VSIG1: variants seen among roughly 807,000 people sequenced by gnomAD.
VSIG1 encodes V-set and immunoglobulin domain-containing protein 1.
Under a neutral mutation model 20.1 loss-of-function variants are expected in VSIG1, and 11 were observed. The observed-to-expected ratio is 0.55, with a 90% CI of 0.34 to 0.91. The LOEUF (loss-of-function observed/expected upper bound fraction) is 0.91, where lower values mean the gene tolerates loss of function less well. Among genes scored for constraint, VSIG1 ranks in the 40% least tolerant of loss-of-function variants. VSIG1 has a pLI of 0.02. For missense variants in VSIG1, 283 were observed against 298.8 expected, an observed-to-expected ratio of 0.95 and a Z score of 0.39; for synonymous variants, 126 against 116.7, an observed-to-expected ratio of 1.08 and a Z score of -0.52.
intron 1 of VSIG1, among the ~76,000 whole-genome samples, chrX:108,046,231 A>G (rs1229720241): frequency 8.9e-6 from 1 of 112,219 alleles, no homozygotes; most frequent in African/African-American, 3.2e-5. Context: ...AGTTCTTTAA[A>G]TGTTCATTAC....
the VSIG1 span, among the ~76,000 whole-genome samples, chrX:108,030,072 A>G: frequency 8.9e-6 from 1 of 112,181 alleles, no homozygotes; most frequent in Non-Finnish European, 1.9e-5. Flanking sequence ...TTTGCTCTAA[A>G]GAATCATGCA....
chrX:108,073,692 G>C, intron 5 of VSIG1: 1 of 175,745 alleles, frequency 5.7e-6, no homozygotes, highest in East Asian at 1.4e-4. Context: ...TGATGCTGTT[G>C]GTAAATCCAG....
chrX:108,047,925 T>TATATATACACACAC lies in VSIG1; in HGVS notation c.49+2753_49+2754insCACACACATATATA, dbSNP rs1569287306. On this transcript the variant is annotated intron_variant, in intron 1 of 6. Coordinates refer to ENST00000217957, the MANE Select transcript of VSIG1 (RefSeq NM_182607.5). ...ATATACACATATATATATACACATA[T>TATATATACACACAC]ATATATATACACATATATATATATA... is the stretch of plus-strand genomic sequence containing the variant. Among the ~76,000 whole-genome samples, 27 of 64,780 alleles carry TATATATACACACAC rather than the reference T, an allele frequency of 4.2e-4. 1 individual carries two copies. The highest frequency in any genetic ancestry group is 6.9e-4 in the Non-Finnish European group (26 of 37,446). 56.3% of individuals were successfully genotyped at this position (64,780 alleles called of 115,157 possible). A position where few individuals can be genotyped will look rare whatever the true frequency, so the allele number is the denominator to read the frequency against.
At chrX:108,062,755 T>A (rs2031053098) in intron 2 of VSIG1, among the ~76,000 whole-genome samples, 1 of 111,749 alleles carries the variant, frequency 8.9e-6, no homozygotes, top group African/African-American at 3.2e-5. Flanking sequence ...TGCCACCTTA[T>A]ACCTGCACAC....
intron 3 of VSIG1, among the ~76,000 whole-genome samples, chrX:108,068,256 C>T (rs1369572866): frequency 9.0e-6 from 1 of 111,584 alleles, no homozygotes; most frequent in East Asian, 2.8e-4. Flanking sequence ...TTAGCTTAAT[C>T]AATCATATTT....
chrX:108,027,415 G>C, the VSIG1 span, among the ~76,000 whole-genome samples: 796 of 111,933 alleles, frequency 7.1e-3, 9 homozygotes, highest in African/African-American at 0.024. Flanking sequence ...GATACAAAAG[G>C]CCACATAGTG....
chrX:108,036,507 T>C, the VSIG1 span, among the ~76,000 whole-genome samples: 2,809 of 111,747 alleles, frequency 0.025, 36 homozygotes, highest in Non-Finnish European at 0.043. Context: ...TCAGTTAACA[T>C]AGAGTTCCTG....
chrX:108,048,001 T>C (rs56312857), intron 1 of VSIG1, among the ~76,000 whole-genome samples: 2,540 of 59,382 alleles, frequency 0.043, 148 homozygotes, highest in African/African-American at 0.084. Flanking sequence ...TATATATATA[T>C]ACACATATAT....
chrX:108,047,961 CATATATATATATATATAT>C lies in VSIG1; in HGVS notation c.49+2806_49+2823del, dbSNP rs1172282311. Among the ~76,000 whole-genome samples, 11 of 19,940 alleles carry C rather than the reference CATATATATATATATATAT, an allele frequency of 5.5e-4. No individual in the cohort carries two copies. The South Asian group carries it at 0.011, about 20-fold the overall frequency. 17.3% of individuals were successfully genotyped at this position (19,940 alleles called of 115,157 possible). The stretch of plus-strand genomic sequence containing the variant: ...ACATATATATATATATATACACACA[CATATATATATATATATAT>C]ATATATATATATATATATATATACA... On this transcript the variant is annotated intron_variant, in intron 1 of 6. Transcript: ENST00000217957.
rs1327274338 is a variant in VSIG1, at chrX:108,067,230, A to G, written c.412+96A>G. 42 of 897,711 alleles carry G rather than the reference A, an allele frequency of 4.7e-5. No homozygotes were observed. The Admixed American group carries it at 9.2e-4, about 20-fold the overall frequency. The allele number at this position is 897,711 out of a possible 1,213,427, so 74.0% of individuals were successfully genotyped here. ...GTTATGATGCCAATTAAGTCTCTGT[A>G]GGTAAATATACTCCCTAATATTTTC... is the stretch of plus-strand genomic sequence containing the variant. On this transcript the variant is annotated intron_variant, in intron 3 of 6. Transcript: ENST00000217957.
the VSIG1 span, among the ~76,000 whole-genome samples, chrX:108,033,869 T>C: frequency 9.1e-6 from 1 of 109,855 alleles, no homozygotes; most frequent in Admixed American, 9.7e-5. Flanking sequence ...TCTGAAGAAA[T>C]AGTTAATCTC....
chrX:108,058,951 C>CGT (rs1569289896), intron 2 of VSIG1, among the ~76,000 whole-genome samples: 5 of 108,140 alleles, frequency 4.6e-5, no homozygotes, highest in African/African-American at 1.7e-4. Context: ...TGTGTGTGTG[C>CGT]GCATGCATAT....
intron 3 of VSIG1, among the ~76,000 whole-genome samples, chrX:108,071,559 G>T (rs757601869): frequency 3.6e-5 from 4 of 110,722 alleles, no homozygotes; most frequent in African/African-American, 1.3e-4. Flanking sequence ...TCTATGTCCC[G>T]GACTGACCTC....
rs141301952 is a variant in VSIG1 at position 108,077,085 on chromosome X, G to A, written c.868G>A (p.Ala290Thr). The change falls in exon 7 of 7, where the codon GCA becomes ACA. Residue 290 changes from alanine to threonine, a missense_variant. Physicochemically the swap from Ala to Thr is moderately conservative, Grantham distance 58. Coordinates refer to ENST00000217957, the MANE Select transcript of VSIG1 (RefSeq NM_182607.5). The stretch of plus-strand genomic sequence containing the variant: ...GATAAACCCAAGGGGAGAAAGCGAA[G>A]CAATGCCAAGAGAAGACGCTACCCA... The part of the protein sequence containing the change: ...TKINPRGESE[A>T]MPREDATQLE... The A allele has an allele frequency of 2.5e-6, 3 of 1,210,877 alleles. No individual in the cohort carries two copies. The highest frequency in any genetic ancestry group is 3.4e-6 in the Non-Finnish European group (3 of 895,183).
chrX:108,025,132 C>T, the VSIG1 span, among the ~76,000 whole-genome samples: 8 of 111,269 alleles, frequency 7.2e-5, no homozygotes, highest in Admixed American at 5.8e-4. Context: ...TCAGGCTCCA[C>T]ATTAGAGGAA....
chrX:108,035,970 C>T, the VSIG1 span, among the ~76,000 whole-genome samples: 10 of 104,893 alleles, frequency 9.5e-5, no homozygotes, highest in African/African-American at 3.5e-4. Context: ...TTTTCCTCAT[C>T]TGTAAAATGA....
chrX:108,033,678 G>A, the VSIG1 span, among the ~76,000 whole-genome samples: 21 of 111,133 alleles, frequency 1.9e-4, no homozygotes, highest in African/African-American at 6.9e-4. Flanking sequence ...TCCTCTTGGA[G>A]AGCAGAAAGG....
intron 1 of VSIG1, among the ~76,000 whole-genome samples, chrX:108,049,017 T>C (rs1454629396): frequency 1.8e-5 from 2 of 112,362 alleles, no homozygotes; most frequent in Non-Finnish European, 3.8e-5. Context: ...ATATCATGGT[T>C]GGACAATGTC....
In VSIG1 at chrX:108,077,243, T is replaced by C; in HGVS notation, c.1026T>C (p.Pro342=). ...CAGGATCAGAGCCTATGGCAGTGCC[T>C]GACCTTGACATCGAGCTGGAGCTGG... The part of the protein sequence containing the change: ...PAPGSEPMAV[P]DLDIELELEP... Residue 342 remains proline, a synonymous_variant, in exon 7 of 7, where the codon CCT becomes CCC. Transcript: ENST00000217957. 3 of 1,212,001 alleles carry C rather than the reference T, an allele frequency of 2.5e-6. No individual in the cohort carries two copies. The highest frequency in any genetic ancestry group is 3.3e-6 in the Non-Finnish European group (3 of 895,619).
Sources: allele counts gnomAD v4.1 joint callset (sites outside exome capture counted in the v4.1 genomes callset), GRCh38; gene constraint gnomAD v4.1.1; transcripts MANE v1.5; gene names NCBI Gene and HGNC (gene_info 2026-07-23, HGNC 2026-07-21).